The following PCDHGA3 variants were observed in gnomAD, a reference collection of about 807,000 sequenced individuals.
PCDHGA3 encodes protocadherin gamma-A3.
PCDHGA3 carries 40 observed loss-of-function variants against 58.5 expected under a neutral mutation model. The ratio of observed to expected loss-of-function variants is 0.68; its 90% confidence interval spans 0.53 to 0.89. PCDHGA3 has a LOEUF of 0.89. Ranked by LOEUF, PCDHGA3 falls within the 40% of genes least tolerant of loss-of-function variation. The pLI, the probability that PCDHGA3 is intolerant of heterozygous loss-of-function variation, is 0.00. For missense variants in PCDHGA3, 1,223 were observed against 1,195.9 expected (o/e 1.02, Z -0.33); for synonymous variants, 530 against 525.7 (o/e 1.01, Z -0.11).
chr5:141,408,300 T>C lies in PCDHGA3; in HGVS notation c.2424+61843T>C. On this transcript the variant is annotated intron_variant, in intron 1 of 3. Coordinates refer to ENST00000253812, the MANE Select transcript of PCDHGA3 (RefSeq NM_018916.4). ...TTCTACCCCACCCTGAGTGAGCCGATCCGCTACTCGATTCCGGAGGAGCTG... is the reference window on the plus strand; with the variant it reads ...TTCTACCCCACCCTGAGTGAGCCGACCCGCTACTCGATTCCGGAGGAGCTG... The C allele has an allele frequency of 1.2e-6, 2 of 1,613,732 alleles. No homozygotes were observed. The highest frequency in any genetic ancestry group is 1.7e-6 in the Non-Finnish European group (2 of 1,179,694).
intron 1 of PCDHGA3, among the ~76,000 whole-genome samples, chr5:141,449,561 C>T (rs777459619): frequency 2.7e-4 from 39 of 147,008 alleles, no homozygotes; most frequent in Non-Finnish European, 4.6e-4. Flanking sequence ...TGCACTCCAG[C>T]CTGGGCGACA....
intron 1 of PCDHGA3, chr5:141,378,543 A>G (rs1328752937): frequency 6.6e-6 from 1 of 152,122 alleles, no homozygotes; most frequent in East Asian, 1.9e-4. Context: ...AATGATAATT[A>G]ATAAATAAAG....
chr5:141,503,777 G>A (rs2099830497), intron 2 of PCDHGA3, among the ~76,000 whole-genome samples: 1 of 152,074 alleles, frequency 6.6e-6, no homozygotes, highest in South Asian at 2.1e-4. Context: ...TCTGTTCTTA[G>A]GCTGAGTTCA....
In PCDHGA3 at chr5:141,476,177, C is replaced by T. The variant is rs1221752964; in HGVS notation, c.2425-18630C>T. On this transcript the variant is annotated intron_variant, in intron 1 of 3. Transcript: ENST00000253812. The surrounding 1 kb of genome is among the most constrained non-coding windows in gnomAD (Gnocchi z 7.6). ...CACCGGGAGGGTAGTGGGAGTTTTG[C>T]TTCTGCTTGGTGCCTTGAACAAGGC... 6.2e-7 allele frequency: 1 copy of T among 1,613,436 alleles called. No individual in the cohort carries two copies. Among genetic ancestry groups the T allele is most frequent in the Non-Finnish European group, 8.5e-7 (1 of 1,179,944 alleles).
chr5:141,345,843 C>T lies in PCDHGA3; in HGVS notation c.1810C>T (p.Leu604=). Residue 604 remains leucine (L), a synonymous_variant, in exon 1 of 4, where the codon CTG becomes TTG. Transcript: ENST00000253812. The stretch of plus-strand genomic sequence containing the variant: ...CAGAGACTCGGGCCAGAACGCCTGG[C>T]TGTCCTACCGCCTGCTCAAGGCCAG... The part of the protein sequence containing the change: ...VDRDSGQNAW[L]SYRLLKASEP... The T allele has an allele frequency of 1.2e-6, 2 of 1,613,502 alleles. No homozygotes were observed. Among genetic ancestry groups the T allele is most frequent in the Non-Finnish European group, 1.7e-6 (2 of 1,179,970 alleles).
At position 141,344,940 on chromosome 5, in the gene PCDHGA3, A is replaced by G; in HGVS notation, c.907A>G (p.Ile303Val). The G allele has an allele frequency of 6.2e-7, 1 of 1,613,934 alleles. No individual in the cohort carries two copies. Among genetic ancestry groups the G allele is most frequent in the Non-Finnish European group, 8.5e-7 (1 of 1,179,834 alleles). ...TAACTCAGTGAGTGGAGAAGTATCA[A>G]TATTAAAAAGTCTAGATTATGAGGA... is the stretch of plus-strand genomic sequence containing the variant. ...HLNSVSGEVS[I>V]LKSLDYEDAM... The change falls in exon 1 of 4, where the codon ATA (isoleucine) becomes GTA (valine). Residue 303 changes from isoleucine to valine, a missense_variant. This residue lies in a region of PCDHGA3 where 791 missense variants were observed against 708.5 expected (regional missense o/e 1.12). Coordinates refer to ENST00000253812, the MANE Select transcript of PCDHGA3 (RefSeq NM_018916.4).
chr5:141,405,231 C>A, intron 1 of PCDHGA3: 1 of 1,614,130 alleles, frequency 6.2e-7, no homozygotes, highest in Non-Finnish European at 8.5e-7. Flanking sequence ...TTCTCCCTCA[C>A]CGCTGACTCA....
intron 1 of PCDHGA3, chr5:141,423,945 A>T (rs931771609): frequency 4.1e-6 from 5 of 1,207,688 alleles, no homozygotes; most frequent in Non-Finnish European, 4.1e-6. Context: ...AGTAAGTTGA[A>T]TTTTAGTATT....
chr5:141,410,023 C>G, intron 1 of PCDHGA3: 1 of 1,613,310 alleles, frequency 6.2e-7, no homozygotes, highest in Non-Finnish European at 8.5e-7. Context: ...TGTCCTACCA[C>G]GTGCTGCAGG....
In PCDHGA3 at chr5:141,505,419, C is replaced by T; in HGVS notation, c.2510C>T (p.Thr837Ile). 3 of 1,614,258 alleles carry T rather than the reference C, an allele frequency of 1.9e-6. No homozygotes were observed. Among genetic ancestry groups the T allele is most frequent in the Non-Finnish European group, 2.5e-6 (3 of 1,180,054 alleles). Residue 837 changes from threonine to isoleucine, a missense_variant, in exon 3 of 4, where the codon ACC becomes ATC. By Grantham distance (89) the Thr-to-Ile change is moderately conservative. Around this residue, in one of 3 missense-constraint regions of PCDHGA3, gnomAD observed 325 missense variants for 327.5 expected, o/e 0.99. Transcript: ENST00000253812. The part of the protein sequence containing the change: ...SGSQNGDDTG[T>I]WPNNQFDTEM... ...TCCCAAAATGGCGATGACACCGGCA[C>T]CTGGCCCAACAACCAGTTTGACACA...
At chr5:141,505,616 C>T in intron 3 of PCDHGA3, 135 bp downstream of exon 3, 2 of 1,503,162 alleles carry the variant, frequency 1.3e-6, no homozygotes, top group South Asian at 1.3e-5. Flanking sequence ...CTGAAAGGAC[C>T]CACAATTCCA....
chr5:141,347,188 G>GTCTTTCTTTCTTTCTTTCTTTCTT (rs1271118511), intron 1 of PCDHGA3, among the ~76,000 whole-genome samples: 1 of 41,068 alleles, frequency 2.4e-5, no homozygotes, highest in African/African-American at 2.1e-4. Context: ...TCTTGACAGG[G>GTCTTTCTTTCTTTCTTTCTTTCTT]TCTTACTCTG....
intron 1 of PCDHGA3, chr5:141,419,575 C>T (rs2096401495): frequency 6.2e-7 from 1 of 1,611,782 alleles, no homozygotes. Context: ...CCGACGGCTC[C>T]GCGCTCTTCG....
intron 1 of PCDHGA3, among the ~76,000 whole-genome samples, chr5:141,382,559 C>T (rs1588920623): frequency 1.3e-5 from 2 of 152,238 alleles, no homozygotes; most frequent in East Asian, 1.9e-4. Context: ...ATATCTAGAG[C>T]AAAGAAATCT....
chr5:141,457,233 T>G (rs1038193595), intron 1 of PCDHGA3, among the ~76,000 whole-genome samples: 9 of 152,208 alleles, frequency 5.9e-5, no homozygotes, highest in African/African-American at 2.2e-4. Flanking sequence ...AATTTCCATC[T>G]AAAATTTTAC....
intron 1 of PCDHGA3, chr5:141,389,471 A>C: frequency 6.2e-7 from 1 of 1,613,210 alleles, no homozygotes; most frequent in Non-Finnish European, 8.5e-7. Context: ...TCGAACTCAC[A>C]CTGCAGGCCC....
intron 1 of PCDHGA3, among the ~76,000 whole-genome samples, chr5:141,379,981 C>A (rs968805615): frequency 1.5e-5 from 2 of 135,234 alleles, no homozygotes; most frequent in East Asian, 5.0e-4. Flanking sequence ...CTCACTGCAA[C>A]TTCCTCCTCC....
chr5:141,404,897 C>T, intron 1 of PCDHGA3: 2 of 1,613,920 alleles, frequency 1.2e-6, no homozygotes, highest in Non-Finnish European at 1.7e-6. Flanking sequence ...TGTACAGGAC[C>T]ATGGCCAGCC....
chr5:141,350,970 C>T, intron 1 of PCDHGA3: 1 of 1,614,072 alleles, frequency 6.2e-7, no homozygotes, highest in Non-Finnish European at 8.5e-7. Context: ...GATAATGCTC[C>T]CGTGTTTAGC....
Sources: allele counts gnomAD v4.1 joint callset (sites outside exome capture counted in the v4.1 genomes callset), GRCh38; gene constraint gnomAD v4.1.1; regional missense constraint gnomAD v4.1.1; non-coding constraint Gnocchi (gnomAD v3.1); transcripts MANE v1.5; gene names NCBI Gene and HGNC (gene_info 2026-07-23, HGNC 2026-07-21).